The following ZXDC variants were observed in gnomAD, a reference collection of about 807,000 sequenced individuals.
The protein encoded by ZXDC is zinc finger protein ZXDC.
Under a neutral mutation model 63.6 loss-of-function variants are expected in ZXDC, and 58 were observed. The observed-to-expected ratio is 0.91, with a 90% confidence interval of 0.74 to 1.13. The LOEUF is 1.13. ZXDC is among the 50% of genes most tolerant of loss of function. The pLI is 0.00. For synonymous variants in ZXDC, 561 were observed against 496.1 expected, an observed-to-expected ratio of 1.13 and a Z score of -1.74; for missense variants, 1,133 against 1,148.9, an observed-to-expected ratio of 0.99 and a Z score of 0.20.
At chr3:126,464,999 C>A (rs1576684669) in intron 5 of ZXDC, among the ~76,000 whole-genome samples, 2 of 152,356 alleles carry the variant, frequency 1.3e-5, no homozygotes, top group African/African-American at 4.8e-5. Flanking sequence ...CTGCCCTGAG[C>A]CCAACCCCTC....
chr3:126,462,302 G>C, intron 5 of ZXDC, 82 bp from the exon 6 acceptor site: 1 of 1,494,628 alleles, frequency 6.7e-7, no homozygotes, highest in Non-Finnish European at 8.8e-7. Flanking sequence ...ATGTTACCGA[G>C]TGATGCCCCA....
In ZXDC at chr3:126,462,065, G is replaced by A. The variant is rs200511946; in HGVS notation, c.1597C>T (p.Leu533=). Residue 533 remains leucine, a synonymous_variant, in exon 6 of 10, where the codon CTG becomes TTG. Transcript: ENST00000389709. The stretch of plus-strand genomic sequence containing the variant: ...TCAATAGTCAGGATTCCGGAGTTCA[G>A]AGCCTCATCCGACCCACCTGCAGAA... ...SGSAGGSDEA[L]NSGILTIDVT... 5.6e-5 allele frequency: 90 copies of A among 1,614,050 alleles called. No individual in the cohort carries two copies. The highest frequency in any genetic ancestry group is 6.4e-5 in the Non-Finnish European group (76 of 1,180,042).
chr3:126,444,392 G>C (rs1183996337), intron 7 of ZXDC, among the ~76,000 whole-genome samples: 7 of 151,870 alleles, frequency 4.6e-5, no homozygotes, highest in Non-Finnish European at 8.8e-5. Context: ...ATTAGCCAGT[G>C]GTGGTGGCGG....
At chr3:126,457,188 C>T in intron 7 of ZXDC, 1 of 882,232 alleles carries the variant, frequency 1.1e-6, no homozygotes, top group Non-Finnish European at 1.4e-6. Context: ...TGCCATTCAG[C>T]TGCCAGGACT....
At chr3:126,448,501 TGAG>T (rs1305657183) in intron 7 of ZXDC, among the ~76,000 whole-genome samples, 1 of 152,032 alleles carries the variant, frequency 6.6e-6, no homozygotes, top group Admixed American at 6.5e-5. Context: ...ACACCACCCT[TGAG>T]GAGCTAATCA....
chr3:126,440,470 C>A (rs1933634181), intron 8 of ZXDC: 1 of 985,496 alleles, frequency 1.0e-6, no homozygotes, highest in Non-Finnish European at 1.2e-6. Flanking sequence ...AGAACTCAAA[C>A]CCAGGTTTAA....
chr3:126,466,029 G>T, intron 5 of ZXDC, 126 bp downstream of exon 5: 1 of 1,136,296 alleles, frequency 8.8e-7, no homozygotes. Context: ...ACTTGGCTTG[G>T]CAGCCACGCC....
chr3:126,453,256 T>C, intron 7 of ZXDC: 1 of 985,476 alleles, frequency 1.0e-6, no homozygotes, highest in Non-Finnish European at 1.2e-6. Context: ...TTCCAAAGAA[T>C]TTGTGGAATT....
chr3:126,461,440 A>C lies in ZXDC; in HGVS notation c.2127+95T>G, dbSNP rs564251244. On this transcript the variant is annotated intron_variant, in intron 6 of 9. Transcript: ENST00000389709. ...GGGCTGCGTCCTTTTGTAAACCAGA[A>C]ACGTCTGCATAGAAAGGATTAATCC... is the stretch of plus-strand genomic sequence containing the variant. 1.4e-4 allele frequency: 200 copies of C among 1,467,368 alleles called. 1 individual carries two copies. In the African/African-American group the frequency reaches 2.6e-3, roughly 19 times the overall value. 90.9% of individuals were successfully genotyped at this position (1,467,368 alleles called of 1,614,324 possible). A position where few individuals can be genotyped will look rare whatever the true frequency, so the allele number is the denominator to read the frequency against.
intron 6 of ZXDC, chr3:126,461,038 G>A: frequency 5.1e-6 from 5 of 984,448 alleles, no homozygotes; most frequent in Non-Finnish European, 6.0e-6. Context: ...AACTGGGGAA[G>A]TACTCTTATA....
At chr3:126,455,011 T>G (rs1004083593) in intron 7 of ZXDC, 2 of 985,336 alleles carry the variant, frequency 2.0e-6, no homozygotes, top group African/African-American at 3.5e-5. Context: ...CCTAACCACA[T>G]GCACAACAGC....
In ZXDC at chr3:126,461,704, G is replaced by C; in HGVS notation, c.1958C>G (p.Pro653Arg). ...SSTPRENASV[P>R]ELLAPIKVEP... ...CACCTTGATTGGAGCCAGCAGTTCC[G>C]GGACACTGGCATTTTCTCGGGGGGT... Residue 653 changes from proline (P) to arginine (R), a missense_variant, in exon 6 of 10, where the codon CCG (proline) becomes CGG (arginine). By Grantham distance (103) the Pro-to-Arg change is moderately radical. Coordinates refer to ENST00000389709, the MANE Select transcript of ZXDC (RefSeq NM_025112.5). The C allele has an allele frequency of 6.2e-7, 1 of 1,613,868 alleles. No homozygotes were observed. The highest frequency in any genetic ancestry group is 8.5e-7 in the Non-Finnish European group (1 of 1,179,966).
At position 126,462,046 on chromosome 3, in the gene ZXDC, G is replaced by A. The variant is rs755548032; in HGVS notation, c.1616C>T (p.Thr539Ile). The A allele has an allele frequency of 6.2e-7, 1 of 1,614,138 alleles. No homozygotes were observed. The highest frequency in any genetic ancestry group is 1.7e-5 in the Admixed American group (1 of 60,030). Reference sequence around the variant, plus strand: ...GGAGCTCACAGAAGTGACGTCAATAGTCAGGATTCCGGAGTTCAGAGCCTC... The same window carrying A: ...GGAGCTCACAGAAGTGACGTCAATAATCAGGATTCCGGAGTTCAGAGCCTC... ...SDEALNSGIL[T>I]IDVTSVSSSL... Residue 539 changes from threonine (T) to isoleucine (I), a missense_variant, in exon 6 of 10, where the codon ACT becomes ATT. Thr to Ile is a moderately conservative substitution (Grantham distance 89). Transcript: ENST00000389709.
At chr3:126,457,446 G>A in intron 7 of ZXDC, 1 of 985,400 alleles carries the variant, frequency 1.0e-6, no homozygotes, top group Non-Finnish European at 1.2e-6. Flanking sequence ...ACCTGGAGGG[G>A]CTTTTCAAGG....
intron 7 of ZXDC, 141 bp from the exon 8 acceptor site, chr3:126,442,087 AG>A: frequency 1.0e-6 from 1 of 975,058 alleles, no homozygotes; most frequent in South Asian, 3.6e-5. Flanking sequence ...ATCACTTAAC[AG>A]AAAAAATCAA....
chr3:126,453,810 T>C, intron 7 of ZXDC: 1 of 981,982 alleles, frequency 1.0e-6, no homozygotes, highest in South Asian at 4.7e-5. Flanking sequence ...TTCTCCTGCC[T>C]CAGCCTCCTG....
intron 7 of ZXDC, 118 bp downstream of exon 7, chr3:126,459,535 T>C: frequency 6.5e-7 from 1 of 1,540,930 alleles, no homozygotes; most frequent in Non-Finnish European, 8.7e-7. Flanking sequence ...AAAAGGGTAT[T>C]CTGAACAGAA....
intron 6 of ZXDC, chr3:126,461,306 A>C: frequency 7.4e-7 from 1 of 1,349,696 alleles, no homozygotes; most frequent in Non-Finnish European, 9.5e-7. Context: ...CTCAGAAAGC[A>C]TTTAGCCAAA....
At chr3:126,449,617 A>T (rs1177967392) in intron 7 of ZXDC, among the ~76,000 whole-genome samples, 3 of 152,202 alleles carry the variant, frequency 2.0e-5, no homozygotes, top group Admixed American at 2.0e-4. Flanking sequence ...TGTGTGTGGC[A>T]AAGTCAATTC....
Sources: gnomAD v4.1 joint callset for allele counts (sites outside exome capture counted in the v4.1 genomes callset) on GRCh38, gnomAD v4.1.1 for gene constraint, MANE v1.5 for transcripts, NCBI Gene and HGNC (gene_info 2026-07-23, HGNC 2026-07-21) for gene names.